Variants in EYA4 observed in about 807,000 individuals in gnomAD.
EYA4 encodes EYA transcriptional coactivator and phosphatase 4.
Under a neutral mutation model 87.9 loss-of-function variants are expected in EYA4, and 31 were observed. The ratio of observed to expected loss-of-function variants is 0.35; its 90% CI spans 0.27 to 0.48. The LOEUF (loss-of-function observed/expected upper bound fraction) is 0.48, where lower values mean the gene tolerates loss of function less well. Among genes scored for constraint, EYA4 ranks in the 20% least tolerant of loss-of-function variants. EYA4 has a pLI of 0.99. For synonymous variants in EYA4, 263 were observed against 270.6 expected, an observed-to-expected ratio of 0.97 and a Z score of 0.28; for missense variants, 678 against 761.4, an observed-to-expected ratio of 0.89 and a Z score of 1.29.
At chr6:133,329,794 A>C (rs576028151) in intron 2 of EYA4, among the ~76,000 whole-genome samples, 72 of 152,260 alleles carry the variant, frequency 4.7e-4, no homozygotes, top group African/African-American at 1.6e-3. Flanking sequence ...ATACTCACAT[A>C]TAAATTGGCA....
At chr6:133,511,169 A>G (rs1434087179) in intron 14 of EYA4, among the ~76,000 whole-genome samples, 1 of 152,158 alleles carries the variant, frequency 6.6e-6, no homozygotes, top group African/African-American at 2.4e-5. Flanking sequence ...ATACCTTTAA[A>G]CTGGAACCGG....
intron 2 of EYA4, among the ~76,000 whole-genome samples, chr6:133,302,528 T>A (rs1252779234): frequency 6.6e-6 from 1 of 152,198 alleles, no homozygotes; most frequent in East Asian, 1.9e-4. Context: ...AACAAAATTG[T>A]TTATAGCAAA....
At chr6:133,443,159 T>C (rs1792473532) in intron 3 of EYA4, among the ~76,000 whole-genome samples, 1 of 151,980 alleles carries the variant, frequency 6.6e-6, no homozygotes, top group Non-Finnish European at 1.5e-5. Context: ...TGTTTCCTTC[T>C]ATTTTTTCTG....
chr6:133,413,380 TC>T (rs1789414015), intron 3 of EYA4, among the ~76,000 whole-genome samples: 1 of 151,888 alleles, frequency 6.6e-6, no homozygotes, highest in Non-Finnish European at 1.5e-5. Flanking sequence ...ATTCTGGGTC[TC>T]CTACCATTTC....
chr6:133,515,386 G>A lies in EYA4; in HGVS notation c.1567G>A (p.Asp523Asn), dbSNP rs2128790148. 2 of 1,613,774 alleles carry A rather than the reference G, an allele frequency of 1.2e-6. No homozygotes were observed. The highest frequency in any genetic ancestry group is 4.5e-5 in the East Asian group (2 of 44,886). The change falls in exon 17 of 20, where the codon GAT (aspartate) becomes AAT (asparagine). Residue 523 changes from aspartate (D) to asparagine (N), a missense_variant. Asp to Asn is a conservative substitution (Grantham distance 23, BLOSUM62 1). Coordinates refer to ENST00000355286, the MANE Select transcript of EYA4 (RefSeq NM_004100.5). ...AAGGGCAGAGATTGAAGGTCTGACA[G>A]ATTCCTGGCTAACAAATGCACTTAA... ...QLRAEIEGLT[D>N]SWLTNALKSL...
chr6:133,373,024 C>T (rs368253569), intron 2 of EYA4, among the ~76,000 whole-genome samples: 2 of 151,866 alleles, frequency 1.3e-5, no homozygotes, highest in Non-Finnish European at 2.9e-5. Flanking sequence ...ATGAATTGAA[C>T]AATTTTATAT....
intron 3 of EYA4, among the ~76,000 whole-genome samples, chr6:133,383,545 A>AAAAAAAAAAAG (rs1312860441): frequency 4.7e-5 from 7 of 149,504 alleles, no homozygotes; most frequent in East Asian, 1.9e-4. Context: ...AAAAAAAAAA[A>AAAAAAAAAAAG]TGTAATGGCC....
At chr6:133,251,984 G>C (rs755073645) in intron 1 of EYA4, among the ~76,000 whole-genome samples, 2 of 152,146 alleles carry the variant, frequency 1.3e-5, no homozygotes, top group African/African-American at 2.4e-5. Flanking sequence ...TTACAGATAC[G>C]CTTCACACAG....
At chr6:133,468,788 C>G in intron 11 of EYA4, 57 bp downstream of exon 11, 1 of 1,561,690 alleles carries the variant, frequency 6.4e-7, no homozygotes, top group South Asian at 1.1e-5. Context: ...TCTAATAAAA[C>G]GGAGAAAGTG....
At chr6:133,299,945 A>ATC (rs1273204305) in intron 2 of EYA4, among the ~76,000 whole-genome samples, 1 of 135,294 alleles carries the variant, frequency 7.4e-6, no homozygotes, top group African/African-American at 3.1e-5. Context: ...CTATCTATCT[A>ATC]TCTATCTATC....
At chr6:133,526,098 T>C (rs962153202) in intron 19 of EYA4, among the ~76,000 whole-genome samples, 2 of 152,078 alleles carry the variant, frequency 1.3e-5, no homozygotes, top group Admixed American at 1.3e-4. Flanking sequence ...TGGTTCAACA[T>C]CAAAAGAAGA....
At chr6:133,327,680 A>G (rs949781336) in intron 2 of EYA4, among the ~76,000 whole-genome samples, 2 of 152,216 alleles carry the variant, frequency 1.3e-5, no homozygotes, top group Non-Finnish European at 2.9e-5. Flanking sequence ...CCAATTCAGT[A>G]AATGGAATTG....
intron 10 of EYA4, among the ~76,000 whole-genome samples, 181 bp from the exon 11 acceptor site, chr6:133,468,385 T>C (rs1795030046): frequency 6.6e-6 from 1 of 152,064 alleles, no homozygotes. Context: ...TTCACTACTA[T>C]ATGTTTGTAA....
intron 2 of EYA4, among the ~76,000 whole-genome samples, chr6:133,371,384 A>G (rs1411190141): frequency 6.6e-6 from 1 of 152,188 alleles, no homozygotes; most frequent in African/African-American, 2.4e-5. Context: ...TCTGAGTTGT[A>G]GGTACTATTT....
chr6:133,530,085 C>G lies in EYA4; in HGVS notation c.*1280C>G. 3.0e-6 allele frequency: 3 copies of G among 985,098 alleles called. No homozygotes were observed. Among genetic ancestry groups the G allele is most frequent in the Non-Finnish European group, 3.6e-6 (3 of 829,642 alleles). 61.0% of individuals were successfully genotyped at this position (985,098 alleles called of 1,614,324 possible). On this transcript the variant is annotated 3_prime_UTR_variant, in exon 20 of 20. Coordinates refer to ENST00000355286, the MANE Select transcript of EYA4 (RefSeq NM_004100.5). ...GGAAGGCAGTTCTCCCAGATGGTGTCTAATGAAAGCAATGAGTCTATGAAA... is the reference window on the plus strand; with the variant it reads ...GGAAGGCAGTTCTCCCAGATGGTGTGTAATGAAAGCAATGAGTCTATGAAA...
intron 6 of EYA4, among the ~76,000 whole-genome samples, chr6:133,458,199 T>C (rs1157070016): frequency 6.6e-6 from 1 of 152,216 alleles, no homozygotes; most frequent in African/African-American, 2.4e-5. Context: ...TGCTGTCCAG[T>C]AAGGTAGCCA....
chr6:133,262,484 A>C (rs1349192290), intron 1 of EYA4, among the ~76,000 whole-genome samples: 3 of 152,218 alleles, frequency 2.0e-5, no homozygotes, highest in African/African-American at 7.2e-5. Context: ...GAATTCTTTC[A>C]CATGTCTCCC....
At chr6:133,397,934 G>T (rs1787940367) in intron 3 of EYA4, among the ~76,000 whole-genome samples, 1 of 152,164 alleles carries the variant, frequency 6.6e-6, no homozygotes, top group Non-Finnish European at 1.5e-5. Flanking sequence ...CCCACAACAT[G>T]TGGGAATTCA....
At chr6:133,357,038 G>A (rs1323943569) in intron 2 of EYA4, among the ~76,000 whole-genome samples, 3 of 151,730 alleles carry the variant, frequency 2.0e-5, no homozygotes, top group Non-Finnish European at 4.4e-5. Flanking sequence ...TTGGGAGGCC[G>A]AGGCGGGCGG....
Sources: gnomAD v4.1 joint callset for allele counts (sites outside exome capture counted in the v4.1 genomes callset) on GRCh38, gnomAD v4.1.1 for gene constraint, MANE v1.5 for transcripts, NCBI Gene and HGNC (gene_info 2026-07-23, HGNC 2026-07-21) for gene names.